CCDC85C: variants seen among roughly 807,000 people sequenced by gnomAD.
CCDC85C encodes coiled-coil domain containing 85C.
A neutral mutation model predicts 38.3 loss-of-function variants in CCDC85C; 18 were observed. The ratio of observed to expected loss-of-function variants is 0.47; its 90% CI spans 0.33 to 0.70. The LOEUF (loss-of-function observed/expected upper bound fraction) is 0.70, where lower values mean the gene tolerates loss of function less well. CCDC85C is among the 30% of genes least tolerant of loss of function. The probability of loss-of-function intolerance (pLI) is 0.03; values close to 1 mark genes in which losing one functional copy is unlikely to be tolerated. For synonymous variants in CCDC85C, 264 were observed against 293.8 expected, an observed-to-expected ratio of 0.90 and a Z score of 1.04; for missense variants, 566 against 621.2, an observed-to-expected ratio of 0.91 and a Z score of 0.94.
chr14:99,536,403 G>T (rs916399901), intron 1 of CCDC85C, among the ~76,000 whole-genome samples: 4 of 152,180 alleles, frequency 2.6e-5, no homozygotes, highest in African/African-American at 9.7e-5. Context: ...GTAGAAAGGT[G>T]GGGGGTGTGG....
Position 99,510,494 on chromosome 14 carries a change from A to G in CCDC85C, c.*4752T>C. 2.1e-6 allele frequency: 1 copy of G among 468,200 alleles called. No individual in the cohort carries two copies. The highest frequency in any genetic ancestry group is 3.0e-6 in the Non-Finnish European group (1 of 333,308). 29.0% of individuals were successfully genotyped at this position (468,200 alleles called of 1,614,324 possible). Reference sequence around the variant, plus strand: ...TCTACCCGCCCAACCCGCCCCCGCCACCTGTGCCTCCTCCCCCAGCCTCCT... The same window carrying G: ...TCTACCCGCCCAACCCGCCCCCGCCGCCTGTGCCTCCTCCCCCAGCCTCCT... On this transcript the variant is annotated 3_prime_UTR_variant, in exon 6 of 6. Transcript: ENST00000380243.
Position 99,515,062 on chromosome 14 carries a change from G to A in CCDC85C, c.*184C>T. The A allele has an allele frequency of 1.8e-6, 1 of 546,122 alleles. No individual in the cohort carries two copies. Among genetic ancestry groups the A allele is most frequent in the South Asian group, 2.2e-5 (1 of 44,800 alleles). The allele number at this position is 546,122 out of a possible 1,614,324, so 33.8% of individuals were successfully genotyped here. On this transcript the variant is annotated 3_prime_UTR_variant, in exon 6 of 6. Coordinates refer to ENST00000380243, the MANE Select transcript of CCDC85C (RefSeq NM_001144995.2). ...CAGGTTGCTGGTGTATGAGGCGGGA[G>A]ATGGCGGCTTGGGCCAGTGCATCGG...
chr14:99,580,217 C>A (rs2054951739), intron 1 of CCDC85C: 1 of 431,718 alleles, frequency 2.3e-6, no homozygotes, highest in Non-Finnish European at 4.6e-6. Flanking sequence ...GCTCGGCAGG[C>A]CCAGCCCCCA....
intron 2 of CCDC85C, among the ~76,000 whole-genome samples, chr14:99,530,648 G>C (rs941152518): frequency 6.6e-6 from 1 of 152,244 alleles, no homozygotes; most frequent in African/African-American, 2.4e-5. Context: ...CCAGGCCCAA[G>C]GGACAGCAGA....
At chr14:99,579,186 C>A (rs1372343395) in intron 1 of CCDC85C, among the ~76,000 whole-genome samples, 1 of 152,232 alleles carries the variant, frequency 6.6e-6, no homozygotes, top group African/African-American at 2.4e-5. Context: ...AGTGCCTTTT[C>A]CCCCATGAAA....
Position 99,500,935 on chromosome 14 carries a change from A to C in CCDC85C, c.*14311T>G, listed in dbSNP as rs919608443. 1.0e-6 allele frequency: 1 copy of C among 982,550 alleles called. No individual in the cohort carries two copies. The highest frequency in any genetic ancestry group is 1.7e-5 in the African/African-American group (1 of 60,440). The allele number at this position is 982,550 out of a possible 1,614,324, so 60.9% of individuals were successfully genotyped here. A position where few individuals can be genotyped will look rare whatever the true frequency, so the allele number is the denominator to read the frequency against. The stretch of plus-strand genomic sequence containing the variant: ...AATCAAGTCTTTATAATTTGATGAC[A>C]CTCAAATTACGCTTCTCAAAAGCGG... On this transcript the variant is annotated 3_prime_UTR_variant, in exon 6 of 6. Transcript: ENST00000380243.
intron 1 of CCDC85C, among the ~76,000 whole-genome samples, chr14:99,589,462 C>G (rs1049824829): frequency 1.3e-5 from 2 of 152,188 alleles, no homozygotes; most frequent in African/African-American, 4.8e-5. Flanking sequence ...CGACCACGAA[C>G]GTGCATTCAG....
At chr14:99,566,263 A>AACACAT (rs1378475780) in intron 1 of CCDC85C, among the ~76,000 whole-genome samples, 1 of 152,240 alleles carries the variant, frequency 6.6e-6, no homozygotes, top group African/African-American at 2.4e-5. Context: ...ACCATGTGCC[A>AACACAT]GGCACAGGGC....
rs1432110056 is a variant in CCDC85C, at chr14:99,509,245, C to G, written c.*6001G>C. The stretch of plus-strand genomic sequence containing the variant: ...GAAATGTTGCTCCTGTGGTCTGTCT[C>G]CTGGGCTGCCTTGGGAAAGGACACT... On this transcript the variant is annotated 3_prime_UTR_variant, in exon 6 of 6. Transcript: ENST00000380243. The G allele has an allele frequency of 6.6e-6, 1 of 152,298 alleles. No individual in the cohort carries two copies. Among genetic ancestry groups the G allele is most frequent in the East Asian group, 1.9e-4 (1 of 5,198 alleles). 9.4% of individuals were successfully genotyped at this position (152,298 alleles called of 1,614,324 possible). A position where few individuals can be genotyped will look rare whatever the true frequency, so the allele number is the denominator to read the frequency against.
At chr14:99,592,849 G>A (rs549301156) in intron 1 of CCDC85C, among the ~76,000 whole-genome samples, 34 of 152,358 alleles carry the variant, frequency 2.2e-4, no homozygotes, top group African/African-American at 6.7e-4. Context: ...TGGCGGAAGC[G>A]GAGGGAGGTC....
intron 1 of CCDC85C, among the ~76,000 whole-genome samples, chr14:99,579,477 CT>C (rs1287640206): frequency 3.3e-5 from 5 of 152,218 alleles, no homozygotes; most frequent in Non-Finnish European, 7.3e-5. Context: ...GGGGCTCCCC[CT>C]ATCCTGCCCT....
At chr14:99,524,135 C>T (rs926432681) in intron 2 of CCDC85C, among the ~76,000 whole-genome samples, 6 of 148,366 alleles carry the variant, frequency 4.0e-5, no homozygotes, top group African/African-American at 1.5e-4. Flanking sequence ...TTGGCCAGGA[C>T]TCTGCAACAG....
intron 1 of CCDC85C, among the ~76,000 whole-genome samples, chr14:99,553,553 C>A (rs575391448): frequency 8.5e-5 from 13 of 152,114 alleles, no homozygotes; most frequent in Non-Finnish European, 1.5e-4. Flanking sequence ...TTAGTAGAGA[C>A]GGGGTTTCAC....
Position 99,504,130 on chromosome 14 carries a change from C to A in CCDC85C, c.*11116G>T. On this transcript the variant is annotated 3_prime_UTR_variant, in exon 6 of 6. Transcript: ENST00000380243. ...GAGGTGCTGTCACATGTCTAGAACC[C>A]AAAGTTAGTTCATGTCAATATTGGA... 1 of 321,862 alleles carries A rather than the reference C, an allele frequency of 3.1e-6. No individual in the cohort carries two copies. The highest frequency in any genetic ancestry group is 6.3e-6 in the Non-Finnish European group (1 of 159,500). The allele number at this position is 321,862 out of a possible 1,614,324, so 19.9% of individuals were successfully genotyped here.
Position 99,502,428 on chromosome 14 carries a change from C to G in CCDC85C, c.*12818G>C. On this transcript the variant is annotated 3_prime_UTR_variant, in exon 6 of 6. Coordinates refer to ENST00000380243, the MANE Select transcript of CCDC85C (RefSeq NM_001144995.2). ...GAGGGTGTTCCATGTTGAGATGATT[C>G]TTCCATGTGTACCCTGAGTCCCAAG... 1.3e-6 allele frequency: 2 copies of G among 1,587,650 alleles called. No homozygotes were observed. The highest frequency in any genetic ancestry group is 1.7e-6 in the Non-Finnish European group (2 of 1,166,526).
intron 1 of CCDC85C, among the ~76,000 whole-genome samples, chr14:99,565,704 C>T (rs537288321): frequency 6.2e-4 from 94 of 152,286 alleles, no homozygotes; most frequent in African/African-American, 2.2e-3. Context: ...GACACCGGCC[C>T]CCACCCCACC....
At chr14:99,552,616 C>T (rs1027533409) in intron 1 of CCDC85C, among the ~76,000 whole-genome samples, 6 of 152,302 alleles carry the variant, frequency 3.9e-5, no homozygotes, top group African/African-American at 2.4e-5. Flanking sequence ...CTGGCACTGA[C>T]GGAGCTGTTG....
rs10132793 is a variant in CCDC85C, at chr14:99,569,766, G to A, written c.793+33401C>T. Among the ~76,000 whole-genome samples the A allele has an allele frequency of 0.067, 10,208 of 152,212 alleles. 1,174 individuals carry two copies. Among genetic ancestry groups the A allele is most frequent in the African/African-American group, 0.23 (9,604 of 41,498 alleles). On this transcript the variant is annotated intron_variant, in intron 1 of 5. Transcript: ENST00000380243. The surrounding 1 kb of genome is among the most constrained non-coding windows in gnomAD (Gnocchi z 4.3). The stretch of plus-strand genomic sequence containing the variant: ...TTCAGGTGCAATGCTCCAAGGCGAC[G>A]CAGGGAGGGATCTAGACCCAGGCAG...
chr14:99,500,671 A>G lies in CCDC85C; in HGVS notation c.*14575T>C. 1 of 819,056 alleles carries G rather than the reference A, an allele frequency of 1.2e-6. No individual in the cohort carries two copies. The allele number at this position is 819,056 out of a possible 1,614,324, so 50.7% of individuals were successfully genotyped here. On this transcript the variant is annotated 3_prime_UTR_variant, in exon 6 of 6. Coordinates refer to ENST00000380243, the MANE Select transcript of CCDC85C (RefSeq NM_001144995.2). ...AAGGCAGTTGCTAAAATATAACTTG[A>G]AGAGAGAATAAATAGACAGGAAAGC... is the stretch of plus-strand genomic sequence containing the variant.
Sources: gnomAD v4.1 joint callset for allele counts (sites outside exome capture counted in the v4.1 genomes callset) on GRCh38, gnomAD v4.1.1 for gene constraint, Gnocchi (gnomAD v3.1) non-coding constraint, MANE v1.5 for transcripts, NCBI Gene and HGNC (gene_info 2026-07-23, HGNC 2026-07-21) for gene names.